The following HCN1 variants were observed in gnomAD, a reference collection of about 807,000 sequenced individuals.
The protein encoded by HCN1 is potassium/sodium hyperpolarization-activated cyclic nucleotide-gated channel 1.
In HCN1, 13 loss-of-function variants were observed where a neutral mutation model predicts 78.9. The observed-to-expected ratio is 0.16, with a 90% CI of 0.11 to 0.26. HCN1 has a LOEUF of 0.26. HCN1 is among the 10% of genes least tolerant of loss of function. The pLI, the probability that HCN1 is intolerant of heterozygous loss-of-function variation, is 1.00. For missense variants in HCN1, 810 were observed against 1,154.3 expected, an observed-to-expected ratio of 0.70 and a Z score of 4.32; for synonymous variants, 552 against 455.5, an observed-to-expected ratio of 1.21 and a Z score of -2.70.
intron 2 of HCN1, among the ~76,000 whole-genome samples, chr5:45,507,527 A>G (rs2111748206): frequency 6.6e-6 from 1 of 152,270 alleles, no homozygotes; most frequent in East Asian, 1.9e-4. Flanking sequence ...AGGTCCCACT[A>G]AAACTATGAT....
chr5:45,640,484 G>C (rs547423768), intron 2 of HCN1, among the ~76,000 whole-genome samples: 2 of 151,988 alleles, frequency 1.3e-5, no homozygotes, highest in African/African-American at 4.8e-5. Flanking sequence ...AATGCATGTA[G>C]AGCCAGTAGA....
Position 45,435,791 on chromosome 5 carries a change from C to T in HCN1, c.1011+26055G>A, listed in dbSNP as rs544462461. ...GAAGAATCAATTCCCGCAAATATAC[C>T]AAAAAAAGATACTAGAGATAAACTC... is the stretch of plus-strand genomic sequence containing the variant. On this transcript the variant is annotated intron_variant, in intron 3 of 7. Coordinates refer to ENST00000303230, the MANE Select transcript of HCN1 (RefSeq NM_021072.4). 4.0e-5 allele frequency among the ~76,000 whole-genome samples: 6 copies of T among 151,868 alleles called. No homozygotes were observed. The South Asian group carries it at 1.2e-3, about 32-fold the overall frequency.
chr5:45,628,362 T>G (rs1745207621), intron 2 of HCN1, among the ~76,000 whole-genome samples: 1 of 152,164 alleles, frequency 6.6e-6, no homozygotes, highest in South Asian at 2.1e-4. Context: ...CTATTATTGT[T>G]TTATTATCTA....
At chr5:45,530,802 C>A (rs540646009) in intron 2 of HCN1, among the ~76,000 whole-genome samples, 2 of 152,026 alleles carry the variant, frequency 1.3e-5, no homozygotes, top group African/African-American at 4.8e-5. Context: ...ATTAACATAA[C>A]CATTTGACAG....
intron 4 of HCN1, among the ~76,000 whole-genome samples, chr5:45,385,947 C>A (rs760043120): frequency 2.0e-5 from 3 of 152,108 alleles, no homozygotes; most frequent in Non-Finnish European, 4.4e-5. Context: ...CTGCCAGATA[C>A]CACTAAAACA....
At chr5:45,584,306 T>G (rs1478822022) in intron 2 of HCN1, among the ~76,000 whole-genome samples, 2 of 152,152 alleles carry the variant, frequency 1.3e-5, no homozygotes, top group African/African-American at 2.4e-5. Flanking sequence ...TCTCTTTTGA[T>G]CTTTGTTGGT....
chr5:45,642,748 C>T (rs1174979866), intron 2 of HCN1: 1 of 152,044 alleles, frequency 6.6e-6, no homozygotes, highest in Non-Finnish European at 1.5e-5. Flanking sequence ...TTAGAAAAAT[C>T]AGGTAGAGAG....
At chr5:45,568,593 A>G (rs1743757166) in intron 2 of HCN1, among the ~76,000 whole-genome samples, 1 of 152,018 alleles carries the variant, frequency 6.6e-6, no homozygotes, top group South Asian at 2.1e-4. Context: ...TTAAATGTTA[A>G]TGACTGTTAT....
chr5:45,282,465 A>G (rs1353467596), intron 6 of HCN1, among the ~76,000 whole-genome samples: 19 of 152,226 alleles, frequency 1.2e-4, no homozygotes, highest in Admixed American at 1.2e-3. Flanking sequence ...CTGTCTAGCT[A>G]GATATAGTAC....
chr5:45,539,732 T>A (rs1271260423), intron 2 of HCN1, among the ~76,000 whole-genome samples: 1 of 148,056 alleles, frequency 6.8e-6, no homozygotes, highest in Non-Finnish European at 1.5e-5. Context: ...ATATTTAATA[T>A]TATTATTTTA....
At chr5:45,346,828 G>T (rs879831887) in intron 5 of HCN1, among the ~76,000 whole-genome samples, 2 of 152,206 alleles carry the variant, frequency 1.3e-5, no homozygotes, top group African/African-American at 2.4e-5. Context: ...ACCCTCCATG[G>T]CCCAGGCTTG....
At chr5:45,369,688 A>T (rs952988319) in intron 4 of HCN1, among the ~76,000 whole-genome samples, 1 of 152,114 alleles carries the variant, frequency 6.6e-6, no homozygotes, top group African/African-American at 2.4e-5. Flanking sequence ...AAAATTGAAC[A>T]TTTGACAAGT....
rs200718496 is a variant in HCN1 at position 45,683,130 on chromosome 5, TTTTTTA to T, written c.425+12533_425+12538del. 2.8e-4 allele frequency among the ~76,000 whole-genome samples: 39 copies of T among 137,754 alleles called. No individual in the cohort carries two copies. The East Asian group carries it at 8.7e-3, about 31-fold the overall frequency. The allele number at this position is 137,754 out of a possible 152,430, so 90.4% of individuals were successfully genotyped here. ...TTATTTTTACCATTTATAAATTAAT[TTTTTTA>T]TTTTTTTTTACCATTTATAAATTTA... On this transcript the variant is annotated intron_variant, in intron 1 of 7. Coordinates refer to ENST00000303230, the MANE Select transcript of HCN1 (RefSeq NM_021072.4).
intron 2 of HCN1, among the ~76,000 whole-genome samples, chr5:45,547,495 A>T (rs1743254279): frequency 6.6e-6 from 1 of 151,916 alleles, no homozygotes; most frequent in Non-Finnish European, 1.5e-5. Context: ...TCAAATTAGC[A>T]GTCACCCTAC....
chr5:45,440,839 C>T (rs1740663010), intron 3 of HCN1, among the ~76,000 whole-genome samples: 1 of 152,132 alleles, frequency 6.6e-6, no homozygotes, highest in Non-Finnish European at 1.5e-5. Flanking sequence ...GGAAACTCAG[C>T]CTCATTTAGC....
At chr5:45,528,473 T>C (rs1482136999) in intron 2 of HCN1, among the ~76,000 whole-genome samples, 1 of 152,000 alleles carries the variant, frequency 6.6e-6, no homozygotes, top group African/African-American at 2.4e-5. Flanking sequence ...ATATCGCTTC[T>C]GACAAAGAAT....
chr5:45,422,356 C>G (rs1740246383), intron 3 of HCN1, among the ~76,000 whole-genome samples: 1 of 152,106 alleles, frequency 6.6e-6, no homozygotes, highest in Non-Finnish European at 1.5e-5. Flanking sequence ...ATATTTTTCT[C>G]TTGTTAATAT....
chr5:45,305,791 AAGG>A lies in HCN1; in HGVS notation c.1378-1955_1378-1953del, dbSNP rs567040782. On this transcript the variant is annotated intron_variant, in intron 5 of 7. Transcript: ENST00000303230. ...GGAGGAAGAAAGGAAGGAAGGAAGGAAGGAGGGAAAGAAGGAATGAAGGAAGCA... is the reference window on the plus strand; with the variant it reads ...GGAGGAAGAAAGGAAGGAAGGAAGGAAGGGAAAGAAGGAATGAAGGAAGCA... Among the ~76,000 whole-genome samples, 191 of 146,262 alleles carry A rather than the reference AAGG, an allele frequency of 1.3e-3. 2 individuals carry two copies. The highest frequency in any genetic ancestry group is 2.1e-3 in the Admixed American group (31 of 14,578).
chr5:45,667,478 T>C (rs2112070303), intron 1 of HCN1, among the ~76,000 whole-genome samples: 1 of 152,068 alleles, frequency 6.6e-6, no homozygotes, highest in South Asian at 2.1e-4. Flanking sequence ...TTCCAAGAAG[T>C]TCCAAGAAAA....
Sources: gnomAD v4.1 joint callset for allele counts (sites outside exome capture counted in the v4.1 genomes callset) on GRCh38, gnomAD v4.1.1 for gene constraint, MANE v1.5 for transcripts, NCBI Gene and HGNC (gene_info 2026-07-23, HGNC 2026-07-21) for gene names.